COL5A1: variants seen among roughly 807,000 people sequenced by gnomAD.
The protein encoded by COL5A1 is collagen type V alpha 1 chain.
Under a neutral mutation model 263.7 loss-of-function variants are expected in COL5A1, and 16 were observed. The ratio of observed to expected loss-of-function variants is 0.06; its 90% CI spans 0.04 to 0.09. COL5A1 has a LOEUF of 0.09. COL5A1 is among the 10% of genes least tolerant of loss of function. COL5A1 has a pLI of 1.00. For missense variants in COL5A1, 2,036 were observed against 2,540.5 expected, an observed-to-expected ratio of 0.80 and a Z score of 4.27; for synonymous variants, 1,012 against 1,004.5, an observed-to-expected ratio of 1.01 and a Z score of -0.14.
chr9:134,708,656 T>C (rs1426595210), intron 4 of COL5A1: 1 of 518,630 alleles, frequency 1.9e-6, no homozygotes, highest in Non-Finnish European at 3.8e-6. Context: ...AGGCCCCTTG[T>C]CGTGTCTTCA....
chr9:134,683,430 A>G (rs556857513), intron 1 of COL5A1, among the ~76,000 whole-genome samples: 1 of 152,308 alleles, frequency 6.6e-6, no homozygotes, highest in South Asian at 2.1e-4. Flanking sequence ...GCACCCAGAG[A>G]TGGGCACTGT....
chr9:134,719,258 C>T (rs1351193882), intron 4 of COL5A1, among the ~76,000 whole-genome samples: 1 of 152,214 alleles, frequency 6.6e-6, no homozygotes, highest in Non-Finnish European at 1.5e-5. Context: ...TGTGCATGCA[C>T]CCATGTCACA....
rs1417064552 is a variant in COL5A1 at position 134,818,811 on chromosome 9, G to A, written c.4339-37G>A. On this transcript the variant is annotated intron_variant, in intron 55 of 65. Coordinates refer to ENST00000371817, the MANE Select transcript of COL5A1 (RefSeq NM_000093.5). The surrounding 1 kb of genome is among the most constrained non-coding windows in gnomAD (Gnocchi z 6.0). ...AGGGGTTGCCGAGTGGAGGGACGGG[G>A]GACCAGCAACTCATGCAGAGCGTCT... The A allele has an allele frequency of 1.2e-6, 2 of 1,612,796 alleles. No homozygotes were observed. The highest frequency in any genetic ancestry group is 3.3e-5 in the Admixed American group (2 of 60,014).
intron 1 of COL5A1, among the ~76,000 whole-genome samples, chr9:134,644,140 T>C (rs1040832861): frequency 1.1e-4 from 16 of 151,968 alleles, no homozygotes; most frequent in African/African-American, 2.9e-4. Context: ...TGGGACCTAT[T>C]TGGAAGTCAT....
intron 1 of COL5A1, among the ~76,000 whole-genome samples, chr9:134,648,692 C>T (rs1249939208): frequency 6.6e-6 from 1 of 152,208 alleles, no homozygotes; most frequent in African/African-American, 2.4e-5. Context: ...TGGTTTGGGG[C>T]CCTCTACTCG....
intron 1 of COL5A1, among the ~76,000 whole-genome samples, chr9:134,670,957 G>T (rs944561496): frequency 6.6e-6 from 1 of 152,214 alleles, no homozygotes; most frequent in African/African-American, 2.4e-5. Context: ...CACAAGGCCG[G>T]GAGGGAGCTG....
intron 11 of COL5A1, among the ~76,000 whole-genome samples, chr9:134,746,186 T>C (rs1835506410): frequency 6.6e-6 from 1 of 152,176 alleles, no homozygotes. Flanking sequence ...AAGTGACCAC[T>C]GAGAGCTTCT....
intron 26 of COL5A1, among the ~76,000 whole-genome samples, chr9:134,773,732 G>A (rs899996805): frequency 2.6e-5 from 4 of 152,076 alleles, no homozygotes; most frequent in Admixed American, 6.5e-5. Flanking sequence ...CAGAGCTAGC[G>A]CCAGTCCTCA....
chr9:134,793,423 C>T (rs371119717), intron 32 of COL5A1, among the ~76,000 whole-genome samples: 64 of 152,138 alleles, frequency 4.2e-4, no homozygotes, highest in African/African-American at 1.5e-3. Flanking sequence ...GTCACAGGGA[C>T]TCGAGATTCT....
chr9:134,778,002 G>A (rs1837113410), intron 27 of COL5A1, among the ~76,000 whole-genome samples: 1 of 152,174 alleles, frequency 6.6e-6, no homozygotes. Context: ...TTGCAAGTAT[G>A]GTGAGGACTC....
intron 63 of COL5A1, 92 bp from the exon 64 acceptor site, chr9:134,829,884 G>A (rs1013461690): frequency 1.4e-6 from 2 of 1,411,930 alleles, no homozygotes; most frequent in African/African-American, 1.4e-5. Flanking sequence ...AGGCGCGGGG[G>A]CCGGGAAAGC....
intron 29 of COL5A1, 39 bp from the exon 30 acceptor site, chr9:134,784,950 G>C: frequency 6.8e-7 from 1 of 1,470,624 alleles, no homozygotes; most frequent in Non-Finnish European, 9.5e-7. Flanking sequence ...GTGTGTGTGC[G>C]GGGGGTGGTC....
In COL5A1 at chr9:134,680,014, C is replaced by CT. The variant is rs923249758; in HGVS notation, c.110-10897dup. Among the ~76,000 whole-genome samples, 14 of 151,900 alleles carry CT rather than the reference C, an allele frequency of 9.2e-5. No homozygotes were observed. Among genetic ancestry groups the CT allele is most frequent in the South Asian group, 2.1e-4 (1 of 4,820 alleles). On this transcript the variant is annotated intron_variant, in intron 1 of 65. Transcript: ENST00000371817. This position sits in a 1 kb window ranked among gnomAD's most constrained non-coding sequence, Gnocchi z 5.9. ...GGCCTGTGCCTGTGGGGAGGGTGGT[C>CT]TAGTGTCAGACACAGATGAGCCATA...
intron 28 of COL5A1, 34 bp from the exon 29 acceptor site, chr9:134,782,633 C>A (rs1837303372): frequency 1.9e-6 from 3 of 1,610,688 alleles, no homozygotes; most frequent in Non-Finnish European, 2.5e-6. Context: ...GGTCCTCTTG[C>A]CTAGACTAGG....
At chr9:134,658,752 A>C (rs540127409) in intron 1 of COL5A1, among the ~76,000 whole-genome samples, 1 of 152,226 alleles carries the variant, frequency 6.6e-6, no homozygotes, top group Non-Finnish European at 1.5e-5. Context: ...TGCGGAGAGC[A>C]GCTGGGAGGC....
At chr9:134,732,163 G>T (rs1451527485) in intron 9 of COL5A1, 36 bp downstream of exon 9, 6 of 1,611,778 alleles carry the variant, frequency 3.7e-6, no homozygotes, top group Middle Eastern at 1.7e-4. Flanking sequence ...CTGCGCCGGG[G>T]TGTCCGCTGC....
intron 63 of COL5A1, among the ~76,000 whole-genome samples, chr9:134,828,582 C>CCACACACACCAGAGATACACACACCA (rs796225082): frequency 6.8e-6 from 1 of 147,392 alleles, no homozygotes; most frequent in African/African-American, 2.6e-5. Context: ...ACCACATATA[C>CCACACACACCAGAGATACACACACCA]CACACCACAC....
At chr9:134,756,706 C>T (rs113454314) in intron 16 of COL5A1, 59 bp from the exon 17 acceptor site, 50 of 1,561,718 alleles carry the variant, frequency 3.2e-5, no homozygotes, top group African/African-American at 8.1e-5. Flanking sequence ...AACCATGGCC[C>T]GGGGGTCTCA....
intron 43 of COL5A1, among the ~76,000 whole-genome samples, chr9:134,809,491 G>A (rs1174761636): frequency 6.6e-6 from 1 of 152,066 alleles, no homozygotes; most frequent in Non-Finnish European, 1.5e-5. Flanking sequence ...GCCGTCCCCG[G>A]CACGCTCGAG....
Sources: allele counts gnomAD v4.1 joint callset (sites outside exome capture counted in the v4.1 genomes callset), GRCh38; gene constraint gnomAD v4.1.1; non-coding constraint Gnocchi (gnomAD v3.1); transcripts MANE v1.5; gene names NCBI Gene and HGNC (gene_info 2026-07-23, HGNC 2026-07-21).